SLC8A1: variants seen among roughly 807,000 people sequenced by gnomAD.
SLC8A1 encodes solute carrier family 8 member A1.
A neutral mutation model predicts 68.3 loss-of-function variants in SLC8A1; 18 were observed. That is an observed-to-expected ratio of 0.26 (90% CI 0.18 to 0.39). SLC8A1 has a LOEUF of 0.39. Ranked by LOEUF, SLC8A1 falls within the 10% of genes least tolerant of loss-of-function variation. SLC8A1 has a pLI of 1.00. For missense variants in SLC8A1, 985 were observed against 1,156.7 expected, an observed-to-expected ratio of 0.85 and a Z score of 2.15; for synonymous variants, 475 against 415.5, an observed-to-expected ratio of 1.14 and a Z score of -1.74.
intron 2 of SLC8A1, among the ~76,000 whole-genome samples, chr2:40,241,439 CAAT>C (rs773720294): frequency 2.6e-4 from 39 of 152,138 alleles, no homozygotes; most frequent in Non-Finnish European, 5.4e-4. Context: ...CAGCATCACA[CAAT>C]AAACCCGCAC....
intron 2 of SLC8A1, among the ~76,000 whole-genome samples, chr2:40,188,091 A>T (rs757919629): frequency 9.2e-5 from 14 of 152,190 alleles, no homozygotes; most frequent in Non-Finnish European, 1.5e-4. Context: ...ATGGCAAAAT[A>T]GATGCAAATT....
At chr2:40,252,224 A>ATTCT (rs2062872206) in intron 2 of SLC8A1, among the ~76,000 whole-genome samples, 1 of 152,190 alleles carries the variant, frequency 6.6e-6, no homozygotes, top group African/African-American at 2.4e-5. Context: ...TTCGCGGTTT[A>ATTCT]TTCTTTTACA....
At position 40,236,730 on chromosome 2, in the gene SLC8A1, C is replaced by A. The variant is rs575443598; in HGVS notation, c.1809-58875G>T. ...TTACAATTTGGCATGATTTTGCAGCCGCTGGTACTGGTTGTTCCTTCCCAT... is the reference window on the plus strand; with the variant it reads ...TTACAATTTGGCATGATTTTGCAGCAGCTGGTACTGGTTGTTCCTTCCCAT... On this transcript the variant is annotated intron_variant, in intron 2 of 7. Transcript: ENST00000406785. Among the ~76,000 whole-genome samples, 1,346 of 152,132 alleles carry A rather than the reference C, an allele frequency of 8.8e-3. 21 individuals carry two copies. Among genetic ancestry groups the A allele is most frequent in the Non-Finnish European group, 9.1e-3 (616 of 68,006 alleles).
intron 2 of SLC8A1, among the ~76,000 whole-genome samples, chr2:40,261,268 G>A (rs1041090282): frequency 1.1e-4 from 16 of 152,164 alleles, no homozygotes; most frequent in African/African-American, 3.6e-4. Flanking sequence ...CAGGCCATCA[G>A]TATTCTGCAC....
chr2:40,135,966 C>T (rs561400852), intron 7 of SLC8A1, among the ~76,000 whole-genome samples: 1 of 152,286 alleles, frequency 6.6e-6, no homozygotes, highest in South Asian at 2.1e-4. Flanking sequence ...ACAGCTAGTA[C>T]ATAAATCTTT....
chr2:40,244,210 C>T (rs2061553835), intron 2 of SLC8A1, among the ~76,000 whole-genome samples: 1 of 152,090 alleles, frequency 6.6e-6, no homozygotes, highest in Non-Finnish European at 1.5e-5. Context: ...TAAGTAAATA[C>T]ACTGCACTCT....
At chr2:40,226,989 TAAC>T (rs1408401541) in intron 2 of SLC8A1, among the ~76,000 whole-genome samples, 1 of 152,114 alleles carries the variant, frequency 6.6e-6, no homozygotes, top group Non-Finnish European at 1.5e-5. Flanking sequence ...AGAGACATTT[TAAC>T]AACAGGGACA....
At chr2:40,362,380 A>G (rs577710947) in intron 2 of SLC8A1, among the ~76,000 whole-genome samples, 1 of 152,292 alleles carries the variant, frequency 6.6e-6, no homozygotes, top group Non-Finnish European at 1.5e-5. Flanking sequence ...TTAAAAAGGT[A>G]TACAGGTAAA....
At chr2:40,417,485 T>C (rs987704369) in intron 2 of SLC8A1, among the ~76,000 whole-genome samples, 36 of 152,118 alleles carry the variant, frequency 2.4e-4, no homozygotes, top group African/African-American at 8.7e-4. Flanking sequence ...CTGAAGAATT[T>C]GACAATTTTG....
At chr2:40,326,470 G>C (rs759696013) in intron 2 of SLC8A1, among the ~76,000 whole-genome samples, 3 of 151,970 alleles carry the variant, frequency 2.0e-5, no homozygotes, top group Non-Finnish European at 2.9e-5. Context: ...GGTGAAGAAA[G>C]GGAACATCAG....
chr2:40,210,897 T>C (rs980251266), intron 2 of SLC8A1, among the ~76,000 whole-genome samples: 52 of 152,208 alleles, frequency 3.4e-4, no homozygotes, highest in African/African-American at 1.3e-3. Context: ...GTATATAAGG[T>C]ATCATTAACA....
At chr2:40,318,008 A>G (rs374462350) in intron 2 of SLC8A1, among the ~76,000 whole-genome samples, 2 of 152,090 alleles carry the variant, frequency 1.3e-5, no homozygotes, top group African/African-American at 2.4e-5. Flanking sequence ...ACTGAAGTGT[A>G]TAACAAGAGA....
chr2:40,386,823 C>T (rs1683712347), intron 2 of SLC8A1, among the ~76,000 whole-genome samples: 1 of 150,716 alleles, frequency 6.6e-6, no homozygotes, highest in South Asian at 2.1e-4. Context: ...TGAGTTTTGC[C>T]CCTTGACATA....
At chr2:40,245,075 C>T (rs923156422) in intron 2 of SLC8A1, among the ~76,000 whole-genome samples, 12 of 152,160 alleles carry the variant, frequency 7.9e-5, no homozygotes, top group Non-Finnish European at 2.9e-5. Flanking sequence ...ATTGAGCAAC[C>T]TTAAATGGCC....
intron 2 of SLC8A1, among the ~76,000 whole-genome samples, chr2:40,352,176 G>A (rs185823599): frequency 6.0e-4 from 92 of 152,216 alleles, no homozygotes; most frequent in African/African-American, 2.2e-3. Flanking sequence ...TCATAGAGAA[G>A]GAACTTGCAG....
At chr2:40,456,574 G>A (rs1559743436), upstream of SLC8A1, among the ~76,000 whole-genome samples, 1 of 152,082 alleles carries the variant, frequency 6.6e-6, no homozygotes, top group Non-Finnish European at 1.5e-5. Flanking sequence ...TGTGACCTTG[G>A]GGAAGCTTTT....
rs1037906136 is a variant in SLC8A1 at position 40,313,883 on chromosome 2, CTTAA to C, written c.1808+114586_1808+114589del. Among the ~76,000 whole-genome samples the C allele has an allele frequency of 5.3e-5, 8 of 151,812 alleles. No individual in the cohort carries two copies. The East Asian group carries it at 5.8e-4, about 11-fold the overall frequency. ...TTTGACCAATTTTTTGCTGTGTTTT[CTTAA>C]TTGTTAAATTTTGAGCATTAATTAA... On this transcript the variant is annotated intron_variant, in intron 2 of 7. Coordinates refer to ENST00000406785, the Ensembl canonical transcript of SLC8A1.
exon 2 of SLC8A1, chr2:40,430,001 T>C (rs1559653969): frequency 6.2e-7 from 1 of 1,613,866 alleles, no homozygotes. Flanking sequence ...TCAGCTATGA[T>C]AGAGACTCCA....
intron 2 of SLC8A1, among the ~76,000 whole-genome samples, chr2:40,258,611 A>G (rs1382274449): frequency 6.6e-6 from 1 of 152,122 alleles, no homozygotes; most frequent in Non-Finnish European, 1.5e-5. Context: ...GAGGCTGAAG[A>G]CAGTGGATCA....
Sources: allele counts gnomAD v4.1 joint callset (sites outside exome capture counted in the v4.1 genomes callset), GRCh38; gene constraint gnomAD v4.1.1; transcripts MANE v1.5; gene names NCBI Gene and HGNC (gene_info 2026-07-23, HGNC 2026-07-21).